Variants in MARCHF1 observed in about 807,000 individuals in gnomAD.
MARCHF1 encodes E3 ubiquitin-protein ligase MARCHF1.
In MARCHF1, 40 loss-of-function variants were observed where a neutral mutation model predicts 54.2. The observed-to-expected ratio is 0.74, with a 90% CI of 0.57 to 0.96. The LOEUF (loss-of-function observed/expected upper bound fraction) is 0.96. MARCHF1 is among the 40% of genes least tolerant of loss of function. The pLI, the probability that MARCHF1 is intolerant of heterozygous loss-of-function variation, is 0.00. For missense variants in MARCHF1, 586 were observed against 656.5 expected (o/e 0.89, Z 1.17); for synonymous variants, 236 against 236.3 (o/e 1.00, Z 0.01).
At chr4:163,765,272 T>C (rs559789654) in intron 4 of MARCHF1, among the ~76,000 whole-genome samples, 1 of 152,272 alleles carries the variant, frequency 6.6e-6, no homozygotes, top group Non-Finnish European at 1.5e-5. Flanking sequence ...ATAGTCATTA[T>C]ATTCTAAACA....
intron 3 of MARCHF1, among the ~76,000 whole-genome samples, chr4:163,893,535 G>A (rs1750709868): frequency 6.6e-6 from 1 of 152,092 alleles, no homozygotes; most frequent in South Asian, 2.1e-4. Flanking sequence ...CAGAAATGCA[G>A]GATGGCCATG....
At chr4:163,739,239 C>A (rs553273165) in intron 4 of MARCHF1, among the ~76,000 whole-genome samples, 1 of 152,176 alleles carries the variant, frequency 6.6e-6, no homozygotes, top group South Asian at 2.1e-4. Flanking sequence ...CTCTTCCTCC[C>A]AAGTGGTATA....
chr4:164,325,333 T>TTATATA lies in MARCHF1; in HGVS notation c.-323+58531_-323+58536dup, dbSNP rs58385154. On this transcript the variant is annotated intron_variant, in intron 1 of 9. Coordinates refer to ENST00000514618, the MANE Select transcript of MARCHF1 (RefSeq NM_001394959.1). ...GGACCAGTGAGTTGGTAGACAGAAA[T>TTATATA]TATATATATATATATATATATATTT... 1.6e-3 allele frequency among the ~76,000 whole-genome samples: 217 copies of TTATATA among 138,452 alleles called. 1 individual carries two copies. The highest frequency in any genetic ancestry group is 0.011 in the South Asian group (44 of 4,000). The allele number at this position is 138,452 out of a possible 152,430, so 90.8% of individuals were successfully genotyped here. A position where few individuals can be genotyped will look rare whatever the true frequency, so the allele number is the denominator to read the frequency against.
chr4:163,859,507 C>A (rs1355753305), intron 3 of MARCHF1, among the ~76,000 whole-genome samples: 1 of 151,930 alleles, frequency 6.6e-6, no homozygotes, highest in Non-Finnish European at 1.5e-5. Flanking sequence ...TTACAGGTGC[C>A]TGCCACCACA....
At chr4:164,261,808 G>A (rs2111278125) in intron 1 of MARCHF1, among the ~76,000 whole-genome samples, 1 of 152,210 alleles carries the variant, frequency 6.6e-6, no homozygotes, top group East Asian at 1.9e-4. Flanking sequence ...ATTCTCAGTT[G>A]ATTAACTGTT....
At chr4:163,712,756 A>C (rs1378164401) in intron 4 of MARCHF1, among the ~76,000 whole-genome samples, 1 of 152,164 alleles carries the variant, frequency 6.6e-6, no homozygotes, top group Non-Finnish European at 1.5e-5. Flanking sequence ...GATCAGAACA[A>C]AGTGCCAGGA....
chr4:163,790,076 A>G (rs1035967225), intron 4 of MARCHF1, among the ~76,000 whole-genome samples: 13 of 152,140 alleles, frequency 8.5e-5, no homozygotes, highest in African/African-American at 3.1e-4. Context: ...TTCATTGATT[A>G]TCATCCATTT....
chr4:164,357,107 G>C, intron 1 of MARCHF1, among the ~76,000 whole-genome samples: 1 of 114,328 alleles, frequency 8.7e-6, no homozygotes, highest in African/African-American at 3.0e-5. Flanking sequence ...CTGAACTTAA[G>C]TTTTTTTTTA....
intron 4 of MARCHF1, among the ~76,000 whole-genome samples, chr4:163,749,899 TA>T (rs3085804): frequency 1.1e-4 from 16 of 149,004 alleles, no homozygotes; most frequent in South Asian, 2.1e-4. Flanking sequence ...CTATCTTTGT[TA>T]AAAAAAAAAT....
chr4:164,182,231 C>G (rs954987472), intron 1 of MARCHF1, among the ~76,000 whole-genome samples: 14 of 151,972 alleles, frequency 9.2e-5, no homozygotes, highest in Non-Finnish European at 1.5e-4. Context: ...CGGAGCCTGA[C>G]ATAGGTCAAT....
intron 4 of MARCHF1, among the ~76,000 whole-genome samples, chr4:163,852,637 C>T (rs896908236): frequency 1.3e-5 from 2 of 152,138 alleles, no homozygotes; most frequent in Non-Finnish European, 2.9e-5. Context: ...CATATCTCTC[C>T]ATACCTTCAG....
In MARCHF1 at chr4:164,270,226, A is replaced by T. The variant is rs185786151; in HGVS notation, c.-323+113644T>A. 5.0e-3 allele frequency among the ~76,000 whole-genome samples: 764 copies of T among 152,292 alleles called. 4 individuals carry two copies. Among genetic ancestry groups the T allele is most frequent in the Non-Finnish European group, 6.6e-3 (446 of 68,014 alleles). ...CTACTTCAGGATATTTGCCATTGTT[A>T]CTGCATCTGCCTGGAACCTTTTCTC... On this transcript the variant is annotated intron_variant, in intron 1 of 9. Transcript: ENST00000514618.
chr4:163,989,871 A>G (rs1435189787), intron 2 of MARCHF1, among the ~76,000 whole-genome samples: 1 of 152,202 alleles, frequency 6.6e-6, no homozygotes, highest in Non-Finnish European at 1.5e-5. Context: ...CCCCAAATGA[A>G]GCATAATTCA....
At chr4:164,125,792 T>C (rs1331970085) in intron 1 of MARCHF1, among the ~76,000 whole-genome samples, 5 of 152,172 alleles carry the variant, frequency 3.3e-5, no homozygotes, top group African/African-American at 1.2e-4. Flanking sequence ...AGCAGGGCAT[T>C]AGATTCTTAT....
intron 2 of MARCHF1, among the ~76,000 whole-genome samples, chr4:163,994,201 C>A (rs756269425): frequency 4.0e-5 from 6 of 151,164 alleles, no homozygotes; most frequent in Non-Finnish European, 8.8e-5. Context: ...TTACTGCTTG[C>A]CTCAGAATTG....
At chr4:164,319,585 TTGA>T (rs569977713) in intron 1 of MARCHF1, among the ~76,000 whole-genome samples, 3 of 152,214 alleles carry the variant, frequency 2.0e-5, no homozygotes, top group Non-Finnish European at 4.4e-5. Flanking sequence ...AAAATTATCA[TTGA>T]TAAGGAAAGA....
At chr4:164,163,970 C>T (rs934849842) in intron 1 of MARCHF1, among the ~76,000 whole-genome samples, 1 of 151,688 alleles carries the variant, frequency 6.6e-6, no homozygotes, top group Non-Finnish European at 1.5e-5. Context: ...TGACAGATTT[C>T]TAAATAACCC....
intron 1 of MARCHF1, among the ~76,000 whole-genome samples, chr4:164,341,545 A>T (rs1040751231): frequency 2.6e-5 from 4 of 152,252 alleles, no homozygotes; most frequent in South Asian, 2.1e-4. Flanking sequence ...TTTATTTTAC[A>T]TAGTTATGGA....
At chr4:163,887,259 A>G (rs1301369394) in intron 3 of MARCHF1, among the ~76,000 whole-genome samples, 1 of 152,102 alleles carries the variant, frequency 6.6e-6, no homozygotes, top group African/African-American at 2.4e-5. Flanking sequence ...GGACATTTTT[A>G]GATGAGATCA....
Sources: gnomAD v4.1 joint callset for allele counts (sites outside exome capture counted in the v4.1 genomes callset) on GRCh38, gnomAD v4.1.1 for gene constraint, MANE v1.5 for transcripts, NCBI Gene and HGNC (gene_info 2026-07-23, HGNC 2026-07-21) for gene names.